THSD4: variants seen among roughly 807,000 people sequenced by gnomAD.
THSD4 encodes thrombospondin type-1 domain-containing protein 4.
Under a neutral mutation model 119.0 loss-of-function variants are expected in THSD4, and 69 were observed. The ratio of observed to expected loss-of-function variants is 0.58; its 90% CI spans 0.48 to 0.71. The LOEUF (loss-of-function observed/expected upper bound fraction) is 0.71. THSD4 is among the 30% of genes least tolerant of loss of function. THSD4 has a pLI of 0.00. For missense variants in THSD4, 1,393 were observed against 1,391.1 expected, an observed-to-expected ratio of 1.00 and a Z score of -0.02; for synonymous variants, 524 against 540.4, an observed-to-expected ratio of 0.97 and a Z score of 0.42.
At chr15:71,644,750 T>A (rs547732277) in intron 7 of THSD4, among the ~76,000 whole-genome samples, 3 of 152,310 alleles carry the variant, frequency 2.0e-5, no homozygotes, top group African/African-American at 4.8e-5. Context: ...GTTACTAATC[T>A]GAATGGCTTT....
At chr15:71,439,966 T>C (rs559872673) in intron 7 of THSD4, among the ~76,000 whole-genome samples, 1 of 152,324 alleles carries the variant, frequency 6.6e-6, no homozygotes, top group South Asian at 2.1e-4. Flanking sequence ...TATACCTATG[T>C]AACAAAACTG....
At chr15:71,755,582 G>C (rs1225361015) in intron 14 of THSD4, among the ~76,000 whole-genome samples, 1 of 151,966 alleles carries the variant, frequency 6.6e-6, no homozygotes, top group Non-Finnish European at 1.5e-5. Context: ...AAATGAACAA[G>C]GCAGGGCCCA....
At chr15:71,146,443 G>GTTT (rs569407021) in intron 2 of THSD4, among the ~76,000 whole-genome samples, 1 of 134,554 alleles carries the variant, frequency 7.4e-6, no homozygotes, top group Non-Finnish European at 1.6e-5. Context: ...TTTGCCAGTA[G>GTTT]TTTTTTTTTT....
intron 7 of THSD4, among the ~76,000 whole-genome samples, chr15:71,577,559 G>A (rs987070227): frequency 1.8e-4 from 27 of 152,178 alleles, no homozygotes; most frequent in African/African-American, 6.3e-4. Context: ...AAATGCTTTC[G>A]AAACTGTGAA....
At chr15:71,724,765 C>G (rs1485718084) in intron 8 of THSD4, among the ~76,000 whole-genome samples, 1 of 152,012 alleles carries the variant, frequency 6.6e-6, no homozygotes, top group Non-Finnish European at 1.5e-5. Flanking sequence ...TGACAGTGGA[C>G]ATGAAGAGAG....
chr15:71,365,514 TCTG>T (rs2045950164), intron 6 of THSD4, among the ~76,000 whole-genome samples: 1 of 152,124 alleles, frequency 6.6e-6, no homozygotes, highest in Non-Finnish European at 1.5e-5. Flanking sequence ...AACAGCACAA[TCTG>T]CTGACGCTTT....
At chr15:71,323,478 A>G (rs2045300923) in intron 6 of THSD4, among the ~76,000 whole-genome samples, 1 of 152,248 alleles carries the variant, frequency 6.6e-6, no homozygotes, top group African/African-American at 2.4e-5. Flanking sequence ...GGGGGCAGGT[A>G]GAAAAGCCTG....
intron 7 of THSD4, among the ~76,000 whole-genome samples, chr15:71,595,655 T>C (rs1289009360): frequency 4.6e-5 from 7 of 152,198 alleles, no homozygotes; most frequent in Admixed American, 3.9e-4. Flanking sequence ...CATGTGTGTA[T>C]GCAAGTCCAG....
At chr15:71,299,976 A>AAAAAAAAATATATAT (rs1555462049) in intron 6 of THSD4, among the ~76,000 whole-genome samples, 1 of 48,320 alleles carries the variant, frequency 2.1e-5, no homozygotes, top group African/African-American at 7.7e-5. Context: ...AAAAAAAAAA[A>AAAAAAAAATATATAT]ATATATATAT....
At position 71,693,610 on chromosome 15, in the gene THSD4, G is replaced by C. The variant is rs146853430; in HGVS notation, c.1357+32876G>C. Among the ~76,000 whole-genome samples, 456 of 152,256 alleles carry C rather than the reference G, an allele frequency of 3.0e-3. 3 individuals are homozygous for C. Among genetic ancestry groups the C allele is most frequent in the Middle Eastern group, 0.014 (4 of 294 alleles). ...GAGCCATGATCTCACCACTTGATAT[G>C]GTTTGGCTGTGTCTCCACCCAAATC... is the stretch of plus-strand genomic sequence containing the variant. On this transcript the variant is annotated intron_variant, in intron 8 of 17. Transcript: ENST00000261862.
intron 6 of THSD4, among the ~76,000 whole-genome samples, chr15:71,305,004 C>T (rs183183954): frequency 2.0e-4 from 30 of 152,312 alleles, no homozygotes; most frequent in East Asian, 5.8e-4. Flanking sequence ...ACCTCTTTTC[C>T]GTGAATCACA....
At chr15:71,146,313 GT>G (rs1251592466) in intron 2 of THSD4, among the ~76,000 whole-genome samples, 1 of 152,152 alleles carries the variant, frequency 6.6e-6, no homozygotes, top group Non-Finnish European at 1.5e-5. Flanking sequence ...TTCCATTTGG[GT>G]TTCTTTAAAG....
chr15:71,572,425 T>A (rs575388628), intron 7 of THSD4, among the ~76,000 whole-genome samples: 1 of 152,316 alleles, frequency 6.6e-6, no homozygotes, highest in South Asian at 2.1e-4. Flanking sequence ...TGTTGCAAGG[T>A]AGCCACTTAC....
At chr15:71,540,519 C>T (rs1231273942) in intron 7 of THSD4, among the ~76,000 whole-genome samples, 4 of 145,812 alleles carry the variant, frequency 2.7e-5, no homozygotes, top group Non-Finnish European at 6.0e-5. Context: ...ACCTCTAACT[C>T]CTGGGTTCAA....
chr15:71,478,398 C>T (rs569267866), intron 7 of THSD4, among the ~76,000 whole-genome samples: 1 of 152,158 alleles, frequency 6.6e-6, no homozygotes, highest in South Asian at 2.1e-4. Flanking sequence ...AGAATTATAT[C>T]CCCTATTCTC....
At chr15:71,588,609 A>G (rs894445925) in intron 7 of THSD4, among the ~76,000 whole-genome samples, 1 of 151,626 alleles carries the variant, frequency 6.6e-6, no homozygotes, top group African/African-American at 2.4e-5. Flanking sequence ...TATTTTTTGT[A>G]TTTTTAGTAG....
intron 6 of THSD4, among the ~76,000 whole-genome samples, chr15:71,336,885 T>A (rs1265349431): frequency 6.6e-6 from 1 of 152,222 alleles, no homozygotes; most frequent in African/African-American, 2.4e-5. Context: ...AAAATGCTGT[T>A]CCTTCATGTC....
chr15:71,103,850 T>C (rs1463614586), intron 1 of THSD4, among the ~76,000 whole-genome samples: 1 of 152,196 alleles, frequency 6.6e-6, no homozygotes, highest in Non-Finnish European at 1.5e-5. Flanking sequence ...TCTTGTGTTT[T>C]AGAGAGGACT....
At chr15:71,262,024 T>C (rs1447693044) in intron 6 of THSD4, among the ~76,000 whole-genome samples, 3 of 152,202 alleles carry the variant, frequency 2.0e-5, no homozygotes, top group Non-Finnish European at 4.4e-5. Context: ...CTAATGCTTC[T>C]GCAGGGCTTT....
Sources: allele counts gnomAD v4.1 joint callset (sites outside exome capture counted in the v4.1 genomes callset), GRCh38; gene constraint gnomAD v4.1.1; transcripts MANE v1.5; gene names NCBI Gene and HGNC (gene_info 2026-07-23, HGNC 2026-07-21).